RIPK1: variants seen among roughly 807,000 people sequenced by gnomAD.
RIPK1 encodes receptor interacting serine/threonine kinase 1.
A neutral mutation model predicts 62.4 loss-of-function variants in RIPK1; 27 were observed. That is an observed-to-expected ratio of 0.43 (90% CI 0.32 to 0.60). RIPK1 has a LOEUF of 0.60. RIPK1 is among the 20% of genes least tolerant of loss of function. RIPK1 has a pLI of 0.07. For missense variants in RIPK1, 735 were observed against 831.0 expected, an observed-to-expected ratio of 0.88 and a Z score of 1.42; for synonymous variants, 287 against 303.2, an observed-to-expected ratio of 0.95 and a Z score of 0.55.
At chr6:3,096,052 G>C (rs1760275202) in intron 7 of RIPK1, among the ~76,000 whole-genome samples, 1 of 152,120 alleles carries the variant, frequency 6.6e-6, no homozygotes, top group African/African-American at 2.4e-5. Flanking sequence ...GCCCAGGCTG[G>C]TCTCAAACTC....
At position 3,081,063 on chromosome 6, in the gene RIPK1, C is replaced by A; in HGVS notation, c.406C>A (p.His136Asn). 1 of 1,614,138 alleles carries A rather than the reference C, an allele frequency of 6.2e-7. No homozygotes were observed. Among genetic ancestry groups the A allele is most frequent in the African/African-American group, 1.3e-5 (1 of 75,050 alleles). ...MCYLHGKGVI[H>N]KDLKPENILV... ...CTACTTACATGGAAAAGGCGTGATA[C>A]ACAAGGACCTGAAGCCTGAAAATAT... Residue 136 changes from histidine to asparagine, a missense_variant, in exon 4 of 11, where the codon CAC becomes AAC. His to Asn is a moderately conservative substitution (Grantham distance 68, BLOSUM62 1). Coordinates refer to ENST00000259808, the MANE Select transcript of RIPK1 (RefSeq NM_001354930.2).
At chr6:3,088,175 C>T (rs1193302453) in intron 6 of RIPK1, among the ~76,000 whole-genome samples, 2 of 152,222 alleles carry the variant, frequency 1.3e-5, no homozygotes, top group East Asian at 3.9e-4. Flanking sequence ...TTTCCTGACA[C>T]TGCTCTGACA....
intron 10 of RIPK1, 109 bp downstream of exon 10, chr6:3,111,064 T>C (rs972683528): frequency 1.1e-5 from 8 of 728,294 alleles, no homozygotes; most frequent in Non-Finnish European, 1.7e-5. Context: ...TTGAAAGTTT[T>C]CTTATGTTAC....
At chr6:3,070,531 G>A (rs959273982) in intron 1 of RIPK1, among the ~76,000 whole-genome samples, 1 of 152,148 alleles carries the variant, frequency 6.6e-6, no homozygotes, top group Non-Finnish European at 1.5e-5. Context: ...TTCGCCTCCC[G>A]GGTTCAAGCA....
chr6:3,111,600 T>C (rs971643910), intron 10 of RIPK1, among the ~76,000 whole-genome samples: 1 of 151,960 alleles, frequency 6.6e-6, no homozygotes, highest in African/African-American at 2.4e-5. Context: ...CCTCTCTTAT[T>C]GTAGTGCAAA....
intron 10 of RIPK1, among the ~76,000 whole-genome samples, chr6:3,111,359 A>C (rs1761146993): frequency 6.6e-6 from 1 of 152,230 alleles, no homozygotes; most frequent in South Asian, 2.1e-4. Flanking sequence ...TGCCCTCCAC[A>C]GCACTTCTGT....
chr6:3,068,922 G>T (rs930953374), intron 1 of RIPK1: 2 of 155,060 alleles, frequency 1.3e-5, no homozygotes, highest in Non-Finnish European at 2.8e-5. Context: ...GAGGGACTCT[G>T]CCCGGGGTGC....
chr6:3,107,110 G>A (rs894990922), intron 9 of RIPK1, among the ~76,000 whole-genome samples: 9 of 151,932 alleles, frequency 5.9e-5, no homozygotes, highest in African/African-American at 2.2e-4. Flanking sequence ...AAATTAGCCA[G>A]GCGTGGTGGC....
chr6:3,076,699 C>CATATATACATAT (rs1554113482), intron 1 of RIPK1, 65 bp from the exon 2 acceptor site: 2 of 209,762 alleles, frequency 9.5e-6, no homozygotes, highest in African/African-American at 8.3e-5. Flanking sequence ...AAAAAAAAAA[C>CATATATACATAT]ATATATATAT....
intron 7 of RIPK1, among the ~76,000 whole-genome samples, chr6:3,094,946 T>G (rs1469737052): frequency 1.3e-5 from 2 of 151,918 alleles, no homozygotes; most frequent in Admixed American, 6.6e-5. Flanking sequence ...GTGCCAGTAG[T>G]CCCATGAAGG....
chr6:3,072,788 A>C lies in RIPK1; in HGVS notation c.-60-3976A>C, dbSNP rs987475504. ...GCAAGAAGTTGGAAGAATATGGCCT[A>C]AGAGGGTGGGGCGGATGACCCTTAT... On this transcript the variant is annotated intron_variant, in intron 1 of 10. Coordinates refer to ENST00000259808, the MANE Select transcript of RIPK1 (RefSeq NM_001354930.2). The surrounding 1 kb of genome is among the most constrained non-coding windows in gnomAD (Gnocchi z 5.6). Among the ~76,000 whole-genome samples the C allele has an allele frequency of 1.3e-5, 2 of 152,202 alleles. No individual in the cohort carries two copies. Among genetic ancestry groups the C allele is most frequent in the Non-Finnish European group, 2.9e-5 (2 of 68,030 alleles).
chr6:3,074,287 T>C (rs1283069588), intron 1 of RIPK1, among the ~76,000 whole-genome samples: 1 of 152,258 alleles, frequency 6.6e-6, no homozygotes, highest in Non-Finnish European at 1.5e-5. Flanking sequence ...TAGAATTACA[T>C]AGTATGTATG....
At chr6:3,112,845 G>A (rs1289117231) in intron 10 of RIPK1, among the ~76,000 whole-genome samples, 2 of 152,210 alleles carry the variant, frequency 1.3e-5, no homozygotes, top group Non-Finnish European at 2.9e-5. Flanking sequence ...GGCCGGGAAT[G>A]CCCTATTCTA....
rs942901929 is a variant in RIPK1, at chr6:3,105,462, T to C, written c.1007-20T>C. ...TAATGTTTCATGACACCCATTCTAA[T>C]GTTGATCATTTCTTCTCAGCCACAG... On this transcript the variant is annotated intron_variant, in intron 8 of 10. Transcript: ENST00000259808. The surrounding 1 kb of genome is among the most constrained non-coding windows in gnomAD (Gnocchi z 4.5). The C allele has an allele frequency of 3.3e-6, 5 of 1,505,982 alleles. No homozygotes were observed. The highest frequency in any genetic ancestry group is 1.4e-5 in the African/African-American group (1 of 71,402). 93.3% of individuals were successfully genotyped at this position (1,505,982 alleles called of 1,614,324 possible).
At chr6:3,073,002 C>T (rs991933932) in intron 1 of RIPK1, among the ~76,000 whole-genome samples, 1 of 152,072 alleles carries the variant, frequency 6.6e-6, no homozygotes, top group Non-Finnish European at 1.5e-5. Context: ...TTCTCAAAGC[C>T]CAAGGAAACA....
intron 4 of RIPK1, among the ~76,000 whole-genome samples, chr6:3,081,890 A>T (rs1393171973): frequency 3.4e-5 from 5 of 146,448 alleles, no homozygotes; most frequent in African/African-American, 1.3e-4. Context: ...AAAAAAAAAA[A>T]AAAAAAAAAA....
chr6:3,089,735 A>G lies in RIPK1; in HGVS notation c.915+78A>G, dbSNP rs1759925788. On this transcript the variant is annotated intron_variant, in intron 7 of 10. Transcript: ENST00000259808. ...CAATCATGAAAACCAAAACAAAGTGATTTGTTATTGAGATTTGAGGTAAGC... is the reference window on the plus strand; with the variant it reads ...CAATCATGAAAACCAAAACAAAGTGGTTTGTTATTGAGATTTGAGGTAAGC... 2.7e-5 allele frequency: 23 copies of G among 838,746 alleles called. No individual in the cohort carries two copies. The South Asian group carries it at 3.4e-4, about 13-fold the overall frequency. 52.0% of individuals were successfully genotyped at this position (838,746 alleles called of 1,614,324 possible).
Position 3,077,924 on chromosome 6 carries a change from C to T in RIPK1, c.310C>T (p.Leu104=). 1 of 1,613,940 alleles carries T rather than the reference C, an allele frequency of 6.2e-7. No homozygotes were observed. Among genetic ancestry groups the T allele is most frequent in the Non-Finnish European group, 8.5e-7 (1 of 1,179,978 alleles). ...GGAGAAGGGCAACCTGATGCACGTG[C>T]TGAAAGCCGAGGTAGAGAGGGCCCC... ...YMEKGNLMHV[L]KAEMSTPLSV... The change falls in exon 3 of 11, where the codon CTG becomes TTG. Residue 104 remains leucine (L), a synonymous_variant. Transcript: ENST00000259808.
chr6:3,101,023 G>A (rs1022522838), intron 7 of RIPK1, among the ~76,000 whole-genome samples: 3 of 152,004 alleles, frequency 2.0e-5, no homozygotes, highest in African/African-American at 4.8e-5. Context: ...AGGGTGGCTC[G>A]TGCCTGTAAT....
Sources: allele counts gnomAD v4.1 joint callset (sites outside exome capture counted in the v4.1 genomes callset), GRCh38; gene constraint gnomAD v4.1.1; non-coding constraint Gnocchi (gnomAD v3.1); transcripts MANE v1.5; gene names NCBI Gene and HGNC (gene_info 2026-07-23, HGNC 2026-07-21).